STRN: variants seen among roughly 807,000 people sequenced by gnomAD.
STRN encodes protein phosphatase 2 regulatory subunit B'''alpha.
STRN carries 53 observed loss-of-function variants against 96.3 expected under a neutral mutation model. The ratio of observed to expected loss-of-function variants is 0.55; its 90% CI spans 0.44 to 0.69. The LOEUF (loss-of-function observed/expected upper bound fraction) is 0.69. STRN is among the 30% of genes least tolerant of loss of function. The probability of loss-of-function intolerance (pLI) is 0.00; values close to 1 mark genes in which losing one functional copy is unlikely to be tolerated. For missense variants in STRN, 987 were observed against 963.9 expected, an observed-to-expected ratio of 1.02 and a Z score of -0.32; for synonymous variants, 428 against 355.9, an observed-to-expected ratio of 1.20 and a Z score of -2.28.
chr2:36,911,130 T>C (rs556826141), intron 3 of STRN, among the ~76,000 whole-genome samples: 1 of 152,128 alleles, frequency 6.6e-6, no homozygotes, highest in Admixed American at 6.6e-5. Context: ...CATCTATAAA[T>C]CCCTAGATAA....
chr2:36,916,771 C>T (rs2148219625), intron 2 of STRN, among the ~76,000 whole-genome samples: 1 of 152,136 alleles, frequency 6.6e-6, no homozygotes, highest in East Asian at 1.9e-4. Context: ...AATGGGAATA[C>T]TGTTTTATCT....
At chr2:36,948,431 TATC>T (rs777896157) in intron 1 of STRN, among the ~76,000 whole-genome samples, 2 of 152,202 alleles carry the variant, frequency 1.3e-5, no homozygotes, top group African/African-American at 2.4e-5. Context: ...AGCCAAAAGG[TATC>T]ATCTATTTTT....
intron 15 of STRN, among the ~76,000 whole-genome samples, 162 bp from the exon 16 acceptor site, chr2:36,851,269 G>A (rs578039724): frequency 8.7e-4 from 133 of 152,280 alleles, no homozygotes; most frequent in African/African-American, 3.0e-3. Context: ...TGGATCACGA[G>A]GTCAGGAGAT....
intron 7 of STRN, among the ~76,000 whole-genome samples, chr2:36,891,598 T>A (rs889874518): frequency 6.6e-6 from 1 of 152,182 alleles, no homozygotes; most frequent in Non-Finnish European, 1.5e-5. Flanking sequence ...CTACTTTGAA[T>A]GCAAGGCAGA....
Position 36,961,115 on chromosome 2 carries a change from CT to C in STRN, c.234+5114del, listed in dbSNP as rs551915869. On this transcript the variant is annotated intron_variant, in intron 1 of 17. Transcript: ENST00000263918. ...GCTTCACCATGTTGCCCAGGCTGCACTTTTTTTTTTTTTTTTTTTTTTTTTT... is the reference window on the plus strand; with the variant it reads ...GCTTCACCATGTTGCCCAGGCTGCACTTTTTTTTTTTTTTTTTTTTTTTTT... Among the ~76,000 whole-genome samples, 428 of 60,294 alleles carry C rather than the reference CT, an allele frequency of 7.1e-3. 9 individuals are homozygous for C. Among genetic ancestry groups the C allele is most frequent in the African/African-American group, 0.034 (358 of 10,462 alleles). 39.6% of individuals were successfully genotyped at this position (60,294 alleles called of 152,430 possible). A position where few individuals can be genotyped will look rare whatever the true frequency, so the allele number is the denominator to read the frequency against.
intron 10 of STRN, among the ~76,000 whole-genome samples, chr2:36,872,043 A>C (rs1237747395): frequency 6.6e-6 from 1 of 152,232 alleles, no homozygotes; most frequent in Non-Finnish European, 1.5e-5. Flanking sequence ...CTTTCATGTG[A>C]AAGAGCAATC....
chr2:36,872,700 A>G (rs968184107), intron 10 of STRN, among the ~76,000 whole-genome samples: 1 of 152,226 alleles, frequency 6.6e-6, no homozygotes. Context: ...ATCTGGAGAG[A>G]GGACTAAGTT....
rs569093741 is a variant in STRN at position 36,946,471 on chromosome 2, T to C, written c.234+19759A>G. On this transcript the variant is annotated intron_variant, in intron 1 of 17. Transcript: ENST00000263918. ...TATTTAAGTATAGGATATCTCTACT[T>C]AAGGAATTAAGAAAAATCTTGTTTG... Among the ~76,000 whole-genome samples the C allele has an allele frequency of 2.6e-5, 4 of 152,328 alleles. No individual in the cohort carries two copies. In the East Asian group the frequency reaches 7.7e-4, roughly 29 times the overall value.
At position 36,966,314 on chromosome 2, in the gene STRN, C is replaced by G. The variant is rs896869637; in HGVS notation, c.150G>C (p.Pro50=). The change falls in exon 1 of 18, where the codon CCG becomes CCC. Residue 50 remains proline (P), a synonymous_variant. Coordinates refer to ENST00000263918, the MANE Select transcript of STRN (RefSeq NM_003162.4). ...CGTGCTGCAGGAAGTGCAGGATCCC[C>G]GGGAGACTGTACTGGGCTCGGGCCG... ...AGAARAQYSL[P]GILHFLQHEW... 1 of 1,561,724 alleles carries G rather than the reference C, an allele frequency of 6.4e-7. No homozygotes were observed.
At position 36,958,996 on chromosome 2, in the gene STRN, G is replaced by A. The variant is rs573143486; in HGVS notation, c.234+7234C>T. 2.6e-5 allele frequency among the ~76,000 whole-genome samples: 4 copies of A among 152,166 alleles called. No homozygotes were observed. The East Asian group carries it at 7.7e-4, about 29-fold the overall frequency. ...CAGGGCATGGTGGCGGGCGTCTGTA[G>A]TCCCAGCTACTCGGGAGGCTGAGGC... is the stretch of plus-strand genomic sequence containing the variant. On this transcript the variant is annotated intron_variant, in intron 1 of 17. Coordinates refer to ENST00000263918, the MANE Select transcript of STRN (RefSeq NM_003162.4).
At chr2:36,941,449 A>G (rs548118304) in intron 1 of STRN, among the ~76,000 whole-genome samples, 2 of 152,208 alleles carry the variant, frequency 1.3e-5, no homozygotes, top group African/African-American at 4.8e-5. Context: ...TTTAGCTTCT[A>G]TTTTTATCAT....
chr2:36,886,187 A>G (rs1358309604), intron 8 of STRN, among the ~76,000 whole-genome samples: 1 of 152,182 alleles, frequency 6.6e-6, no homozygotes, highest in Non-Finnish European at 1.5e-5. Flanking sequence ...TAGAAAATAA[A>G]TATTTTTAGA....
chr2:36,845,130 C>G lies in STRN; in HGVS notation c.*4326G>C, dbSNP rs1572615292. On this transcript the variant is annotated 3_prime_UTR_variant, in exon 18 of 18. Transcript: ENST00000263918. ...AATCTAAATAAAATTATACTTAGCA[C>G]TCTTTTTCATGTAAGTTCAATAATT... 6.6e-6 allele frequency: 1 copy of G among 152,090 alleles called. No homozygotes were observed. Among genetic ancestry groups the G allele is most frequent in the Admixed American group, 6.6e-5 (1 of 15,238 alleles). The allele number at this position is 152,090 out of a possible 1,614,324, so 9.4% of individuals were successfully genotyped here.
intron 1 of STRN, among the ~76,000 whole-genome samples, chr2:36,959,918 CT>C: frequency 6.6e-6 from 1 of 152,246 alleles, no homozygotes; most frequent in East Asian, 1.9e-4. Flanking sequence ...TTCATTCCCT[CT>C]GATTATTCTA....
chr2:36,885,843 C>T (rs1335328557), intron 8 of STRN, among the ~76,000 whole-genome samples: 1 of 152,030 alleles, frequency 6.6e-6, no homozygotes, highest in Non-Finnish European at 1.5e-5. Flanking sequence ...TTTATACTAC[C>T]TTAACATCTC....
At chr2:36,934,738 T>C (rs1295414497) in intron 1 of STRN, among the ~76,000 whole-genome samples, 1 of 152,108 alleles carries the variant, frequency 6.6e-6, no homozygotes, top group Non-Finnish European at 1.5e-5. Context: ...CTCTATCTAG[T>C]TTTGTCTTCC....
At chr2:36,872,854 A>AT (rs1340191096) in intron 10 of STRN, among the ~76,000 whole-genome samples, 1 of 152,178 alleles carries the variant, frequency 6.6e-6, no homozygotes, top group African/African-American at 2.4e-5. Context: ...AGAATTAAAC[A>AT]TAAAAAAAAA....
At chr2:36,961,841 C>G (rs1665036707) in intron 1 of STRN, among the ~76,000 whole-genome samples, 1 of 152,202 alleles carries the variant, frequency 6.6e-6, no homozygotes, top group South Asian at 2.1e-4. Flanking sequence ...TTCTTCCATT[C>G]TCTTCCTCTA....
chr2:36,854,259 TGA>T (rs1265374045), intron 15 of STRN, among the ~76,000 whole-genome samples: 4 of 152,220 alleles, frequency 2.6e-5, no homozygotes, highest in Non-Finnish European at 1.5e-5. Context: ...TTAAATTTAT[TGA>T]GAGTCTAAAA....
Sources: allele counts gnomAD v4.1 joint callset (sites outside exome capture counted in the v4.1 genomes callset), GRCh38; gene constraint gnomAD v4.1.1; transcripts MANE v1.5; gene names NCBI Gene and HGNC (gene_info 2026-07-23, HGNC 2026-07-21).